The following RALGPS2 variants were observed in gnomAD, a reference collection of about 807,000 sequenced individuals.
RALGPS2 encodes Ral GEF with PH domain and SH3 binding motif 2.
A neutral mutation model predicts 86.8 loss-of-function variants in RALGPS2; 43 were observed. The ratio of observed to expected loss-of-function variants is 0.50; its 90% CI spans 0.39 to 0.64. The LOEUF is 0.64. Ranked by LOEUF, RALGPS2 falls within the 30% of genes least tolerant of loss-of-function variation. RALGPS2 has a pLI of 0.00. For synonymous variants in RALGPS2, 243 were observed against 231.3 expected (o/e 1.05, Z -0.46); for missense variants, 536 against 694.6 (o/e 0.77, Z 2.57).
chr1:178,901,903 T>C (rs1171186452), intron 17 of RALGPS2, among the ~76,000 whole-genome samples: 2 of 151,936 alleles, frequency 1.3e-5, no homozygotes, highest in Non-Finnish European at 2.9e-5. Flanking sequence ...GCTGGGAAGG[T>C]CTGGAAAGTA....
At chr1:178,878,613 A>G (rs1302258989) in intron 9 of RALGPS2, among the ~76,000 whole-genome samples, 1 of 152,144 alleles carries the variant, frequency 6.6e-6, no homozygotes, top group Admixed American at 6.5e-5. Flanking sequence ...TCTTCTGTTT[A>G]GTTTAGAATA....
At chr1:178,830,904 G>GA (rs890696376) in intron 7 of RALGPS2, among the ~76,000 whole-genome samples, 40 of 151,340 alleles carry the variant, frequency 2.6e-4, no homozygotes, top group African/African-American at 9.7e-4. Flanking sequence ...AACGAAAAAA[G>GA]AAAAAAAATA....
chr1:178,886,085 C>G lies in RALGPS2; in HGVS notation c.1157C>G (p.Ala386Gly). 6.2e-7 allele frequency: 1 copy of G among 1,613,328 alleles called. No individual in the cohort carries two copies. Among genetic ancestry groups the G allele is most frequent in the Non-Finnish European group, 8.5e-7 (1 of 1,179,800 alleles). Residue 386 changes from alanine (A) to glycine (G), a missense_variant, in exon 13 of 20, where the codon GCT (alanine) becomes GGT (glycine). Around this residue, in one of 3 missense-constraint regions of RALGPS2, gnomAD observed 309 missense variants for 363.0 expected, o/e 0.85. Coordinates refer to ENST00000367635, the MANE Select transcript of RALGPS2 (RefSeq NM_152663.5). The stretch of plus-strand genomic sequence containing the variant: ...CCCCATGCGCCATCTCGAGGCCAAG[C>G]TGAAAGTTCTACTCTTTCTAGTGGA... ...MEPHAPSRGQ[A>G]ESSTLSSGIS...
At chr1:178,775,935 A>G (rs1653061340) in intron 1 of RALGPS2, among the ~76,000 whole-genome samples, 1 of 151,784 alleles carries the variant, frequency 6.6e-6, no homozygotes, top group Non-Finnish European at 1.5e-5. Context: ...AAAAAAAAAA[A>G]AGGATGGTTG....
At chr1:178,784,577 C>A in intron 3 of RALGPS2, 55 bp downstream of exon 3, 2 of 1,339,814 alleles carry the variant, frequency 1.5e-6, no homozygotes, top group Non-Finnish European at 2.0e-6. Flanking sequence ...CATATTGGTG[C>A]TATTGAGTTA....
intron 2 of RALGPS2, among the ~76,000 whole-genome samples, 181 bp downstream of exon 2, chr1:178,777,002 C>A (rs573539873): frequency 6.6e-6 from 1 of 150,996 alleles, no homozygotes; most frequent in Non-Finnish European, 1.5e-5. Flanking sequence ...GCACATTGTG[C>A]GGGTTAGTTA....
At chr1:178,824,203 A>T (rs1406457981) in intron 7 of RALGPS2, among the ~76,000 whole-genome samples, 1 of 152,140 alleles carries the variant, frequency 6.6e-6, no homozygotes, top group Non-Finnish European at 1.5e-5. Context: ...TGAAAAACTG[A>T]CTGGAGTTGA....
At chr1:178,807,889 G>A (rs550017091) in intron 4 of RALGPS2, among the ~76,000 whole-genome samples, 156 bp from the exon 5 acceptor site, 1 of 152,132 alleles carries the variant, frequency 6.6e-6, no homozygotes, top group Non-Finnish European at 1.5e-5. Flanking sequence ...ATTTGCTTTT[G>A]TGATCCAACT....
At chr1:178,763,174 G>T (rs570860059) in intron 1 of RALGPS2, among the ~76,000 whole-genome samples, 15 of 152,200 alleles carry the variant, frequency 9.9e-5, no homozygotes, top group African/African-American at 3.4e-4. Context: ...CCTTATTTTT[G>T]TGCTCTCTAT....
intron 1 of RALGPS2, among the ~76,000 whole-genome samples, chr1:178,756,352 G>A (rs907474529): frequency 2.0e-5 from 3 of 152,054 alleles, no homozygotes; most frequent in Non-Finnish European, 4.4e-5. Context: ...AAAGGTAGGG[G>A]TATAATTTCA....
chr1:178,768,426 C>A (rs1652619133), intron 1 of RALGPS2, among the ~76,000 whole-genome samples: 1 of 152,132 alleles, frequency 6.6e-6, no homozygotes, highest in Non-Finnish European at 1.5e-5. Flanking sequence ...ATAGAGAATG[C>A]TGGGTAGGGT....
At chr1:178,742,205 T>C (rs1312304154) in intron 1 of RALGPS2, among the ~76,000 whole-genome samples, 1 of 150,374 alleles carries the variant, frequency 6.7e-6, no homozygotes, top group African/African-American at 2.4e-5. Flanking sequence ...GTTAACCATC[T>C]CCTGCCTGCA....
Position 178,779,405 on chromosome 1 carries a change from C to T in RALGPS2, c.57+2584C>T, listed in dbSNP as rs192159990. ...GAATAATGTTTATGACCCTTTAACA[C>T]CTTGACCTCAAAGTTCCTTAATAGC... is the stretch of plus-strand genomic sequence containing the variant. On this transcript the variant is annotated intron_variant, in intron 2 of 19. Transcript: ENST00000367635. Among the ~76,000 whole-genome samples, 9 of 152,262 alleles carry T rather than the reference C, an allele frequency of 5.9e-5. No individual in the cohort carries two copies. In the East Asian group the frequency reaches 1.7e-3, roughly 29 times the overall value.
At chr1:178,809,312 A>G (rs1440474053) in intron 5 of RALGPS2, among the ~76,000 whole-genome samples, 2 of 151,922 alleles carry the variant, frequency 1.3e-5, no homozygotes, top group African/African-American at 4.8e-5. Context: ...TTTGAGTAGC[A>G]TTAGATAGAA....
chr1:178,920,022 C>T lies in RALGPS2; in HGVS notation c.*3663C>T, dbSNP rs1647233181. 1 of 151,896 alleles carries T rather than the reference C, an allele frequency of 6.6e-6. No homozygotes were observed. Among genetic ancestry groups the T allele is most frequent in the Non-Finnish European group, 1.5e-5 (1 of 67,848 alleles). The allele number at this position is 151,896 out of a possible 1,614,324, so 9.4% of individuals were successfully genotyped here. On this transcript the variant is annotated 3_prime_UTR_variant, in exon 20 of 20. Transcript: ENST00000367635. ...GAGGTTGGTATGACTTCTTTAGTGA[C>T]CTTTTAGGGTTTGCTTTTATTTTCC...
intron 1 of RALGPS2, among the ~76,000 whole-genome samples, chr1:178,759,602 TG>T (rs1652132906): frequency 6.6e-6 from 1 of 151,906 alleles, no homozygotes; most frequent in African/African-American, 2.4e-5. Context: ...ATTTTAGGAT[TG>T]TTTTTTCTAT....
At chr1:178,895,920 TACAGA>T (rs1659920697) in intron 16 of RALGPS2, among the ~76,000 whole-genome samples, 1 of 151,974 alleles carries the variant, frequency 6.6e-6, no homozygotes, top group African/African-American at 2.4e-5. Flanking sequence ...GTCATTAGCA[TACAGA>T]TAGATAGTAT....
rs1660007323 is a variant in RALGPS2 at position 178,897,677 on chromosome 1, C to G, written c.1445C>G (p.Thr482Arg). ...EGKKPTVASW[T>R]KYWAALCGTQ... is the part of the protein sequence containing the mutation. ...TGTCCTATCCAGGTAGCATCTTGGA[C>G]AAAATATTGGGCAGCTTTGTGTGGG... is the stretch of plus-strand genomic sequence containing the variant. Residue 482 changes from threonine to arginine, a missense_variant, in exon 17 of 20, where the codon ACA becomes AGA. Physicochemically the swap from Thr to Arg is moderately conservative, Grantham distance 71 (BLOSUM62 -1). Around this residue, in one of 3 missense-constraint regions of RALGPS2, gnomAD observed 309 missense variants for 363.0 expected, o/e 0.85. Transcript: ENST00000367635. 1.9e-6 allele frequency: 3 copies of G among 1,611,958 alleles called. No individual in the cohort carries two copies. Among genetic ancestry groups the G allele is most frequent in the Non-Finnish European group, 2.5e-6 (3 of 1,178,626 alleles).
chr1:178,726,109 G>C (rs1325849534), intron 1 of RALGPS2: 1 of 152,104 alleles, frequency 6.6e-6, no homozygotes, highest in South Asian at 2.1e-4. Flanking sequence ...CCGGGCTCTA[G>C]AAAAAAAAGG....
Sources: allele counts gnomAD v4.1 joint callset (sites outside exome capture counted in the v4.1 genomes callset), GRCh38; gene constraint gnomAD v4.1.1; regional missense constraint gnomAD v4.1.1; transcripts MANE v1.5; gene names NCBI Gene and HGNC (gene_info 2026-07-23, HGNC 2026-07-21).